The following DENND4B variants were observed in gnomAD, a reference collection of about 807,000 sequenced individuals.
The protein encoded by DENND4B is DENN domain containing 4B.
In DENND4B, 67 loss-of-function variants were observed where a neutral mutation model predicts 161.0. That is an observed-to-expected ratio of 0.42 (90% confidence interval 0.34 to 0.51). The LOEUF (loss-of-function observed/expected upper bound fraction) is 0.51. DENND4B is among the 20% of genes least tolerant of loss of function. The pLI, the probability that DENND4B is intolerant of heterozygous loss-of-function variation, is 0.08. For missense variants in DENND4B, 1,481 were observed against 1,968.0 expected (o/e 0.75, Z 4.68); for synonymous variants, 753 against 813.8 (o/e 0.93, Z 1.27).
At position 153,931,528 on chromosome 1, in the gene DENND4B, C is replaced by T. The variant is rs1036389796; in HGVS notation, c.3997-464G>A. Among the ~76,000 whole-genome samples, 34 of 147,322 alleles carry T rather than the reference C, an allele frequency of 2.3e-4. 1 individual carries two copies. Among genetic ancestry groups the T allele is most frequent in the African/African-American group, 8.1e-4 (32 of 39,706 alleles). ...TTTTTTTTTTTTTGAGACAGAGTCT[C>T]GCTCTGTCGTCCAGGCTGGAGTGCA... On this transcript the variant is annotated intron_variant, in intron 24 of 27. Coordinates refer to ENST00000361217, the MANE Select transcript of DENND4B (RefSeq NM_014856.3).
At chr1:153,938,130 CAGACACA>C (rs1679452251) in intron 13 of DENND4B, among the ~76,000 whole-genome samples, 1 of 152,146 alleles carries the variant, frequency 6.6e-6, no homozygotes, top group Non-Finnish European at 1.5e-5. Context: ...CCCTGGGGGC[CAGACACA>C]GTGGCTCACG....
In DENND4B at chr1:153,930,835, T is replaced by C; in HGVS notation, c.4137A>G (p.Val1379=). 6.2e-7 allele frequency: 1 copy of C among 1,600,632 alleles called. No homozygotes were observed. The highest frequency in any genetic ancestry group is 8.5e-7 in the Non-Finnish European group (1 of 1,173,614). The change falls in exon 26 of 28, where the codon GTA becomes GTG. Residue 1379 remains valine, a synonymous_variant. Transcript: ENST00000361217. This position sits in a 1 kb window ranked among gnomAD's most constrained non-coding sequence, Gnocchi z 4.7. ...RVHSQIPQRV[V]WPGPVPASLS... is the part of the protein sequence containing the mutation. ...GGGATGCAGGTACAGGGCCTGGCCA[T>C]ACCACCCGCTGGGGGATCTGGCCTG...
In DENND4B at chr1:153,934,384, C is replaced by A; in HGVS notation, c.2774-82G>T. On this transcript the variant is annotated intron_variant, in intron 18 of 27. Coordinates refer to ENST00000361217, the MANE Select transcript of DENND4B (RefSeq NM_014856.3). This position sits in a 1 kb window ranked among gnomAD's most constrained non-coding sequence, Gnocchi z 5.3. ...CCAAAATAGAGCTCCTTAGATGGAC[C>A]AGGGTTTGCAGGGTTCCTCCCAGGC... The A allele has an allele frequency of 1.4e-5, 20 of 1,453,598 alleles. No individual in the cohort carries two copies. Among genetic ancestry groups the A allele is most frequent in the Non-Finnish European group, 1.7e-5 (18 of 1,085,468 alleles). 90.0% of individuals were successfully genotyped at this position (1,453,598 alleles called of 1,614,324 possible).
Position 153,932,825 on chromosome 1 carries a change from T to G in DENND4B, c.3623+36A>C. 6.2e-7 allele frequency: 1 copy of G among 1,613,534 alleles called. No homozygotes were observed. Among genetic ancestry groups the G allele is most frequent in the Non-Finnish European group, 8.5e-7 (1 of 1,179,598 alleles). ...GTCAGCTTTTGGACCTTCACCTCCC[T>G]ATTCCCACCCACAGCACTTGCCCTG... On this transcript the variant is annotated intron_variant, in intron 22 of 27. Coordinates refer to ENST00000361217, the MANE Select transcript of DENND4B (RefSeq NM_014856.3). This position sits in a 1 kb window ranked among gnomAD's most constrained non-coding sequence, Gnocchi z 5.8.
In DENND4B at chr1:153,932,606, T is replaced by C. The variant is rs1679024822; in HGVS notation, c.3759+36A>G. The C allele has an allele frequency of 1.3e-6, 2 of 1,595,792 alleles. No homozygotes were observed. Among genetic ancestry groups the C allele is most frequent in the East Asian group, 2.2e-5 (1 of 44,560 alleles). ...CCCACAGGCCCCACACAGGGCAACA[T>C]TCCCGTTCCTCATGCCCCTTTGGCC... On this transcript the variant is annotated intron_variant, in intron 23 of 27. Coordinates refer to ENST00000361217, the MANE Select transcript of DENND4B (RefSeq NM_014856.3). The surrounding 1 kb of genome is among the most constrained non-coding windows in gnomAD (Gnocchi z 5.8).
intron 17 of DENND4B, chr1:153,935,692 G>A: frequency 4.2e-6 from 1 of 236,816 alleles, no homozygotes; most frequent in South Asian, 4.9e-5. Flanking sequence ...GCGGGACCTT[G>A]GACGAGTTAC....
In DENND4B at chr1:153,936,126, C is replaced by T; in HGVS notation, c.2502G>A (p.Arg834=). 1.2e-6 allele frequency: 2 copies of T among 1,611,934 alleles called. No individual in the cohort carries two copies. Among genetic ancestry groups the T allele is most frequent in the Non-Finnish European group, 1.7e-6 (2 of 1,179,130 alleles). Residue 834 remains arginine, a synonymous_variant, in exon 17 of 28, where the codon CGG becomes CGA. Transcript: ENST00000361217. This position sits in a 1 kb window ranked among gnomAD's most constrained non-coding sequence, Gnocchi z 4.1. ...SHYGQPVLSV[R]VMLEMRQAGI... is the part of the protein sequence containing the mutation. The stretch of plus-strand genomic sequence containing the variant: ...CTGCCTGACGCATCTCCAGCATGAC[C>T]CGCACAGACAGCACAGGCTGCCCAT...
chr1:153,941,775 G>GGGGGGGC, intron 6 of DENND4B, 94 bp downstream of exon 6: 35 of 1,338,128 alleles, frequency 2.6e-5, no homozygotes, highest in Non-Finnish European at 2.9e-5. Flanking sequence ...CCTGTGCCCA[G>GGGGGGGC]CCCTCCCCCC....
Position 153,936,861 on chromosome 1 carries a change from T to TGGCGC in DENND4B, c.2233-118_2233-114dup. On this transcript the variant is annotated intron_variant, in intron 15 of 27. Coordinates refer to ENST00000361217, the MANE Select transcript of DENND4B (RefSeq NM_014856.3). This position sits in a 1 kb window ranked among gnomAD's most constrained non-coding sequence, Gnocchi z 4.1. ...CTCTGTCACCCAGGCTGGAGTGCAG[T>TGGCGC]GGCGCAATCTTGGCTCACTGCAGAC... is the stretch of plus-strand genomic sequence containing the variant. The TGGCGC allele has an allele frequency of 9.0e-7, 1 of 1,113,066 alleles. No homozygotes were observed. Among genetic ancestry groups the TGGCGC allele is most frequent in the Non-Finnish European group, 1.2e-6 (1 of 812,464 alleles). 68.9% of individuals were successfully genotyped at this position (1,113,066 alleles called of 1,614,324 possible).
In DENND4B at chr1:153,937,728, A is replaced by G; in HGVS notation, c.2101T>C (p.Tyr701His). ...TGAAGGCTAAGAGACTCTCACCAGT[A>G]CTGGGGAGTGGATTCACTGCCCTCT... ...LPEGSESTPQYCYDGFPELRA... is the reference protein window; with the variant it reads ...LPEGSESTPQHCYDGFPELRA... Residue 701 changes from tyrosine to histidine, a missense_variant, in exon 14 of 28, where the codon TAC becomes CAC. Physicochemically the swap from Tyr to His is moderately conservative, Grantham distance 83. Coordinates refer to ENST00000361217, the MANE Select transcript of DENND4B (RefSeq NM_014856.3). The surrounding 1 kb of genome is among the most constrained non-coding windows in gnomAD (Gnocchi z 4.7). 6.2e-7 allele frequency: 1 copy of G among 1,614,064 alleles called. No homozygotes were observed. The highest frequency in any genetic ancestry group is 1.1e-5 in the South Asian group (1 of 91,090).
In DENND4B at chr1:153,934,834, TGCTGCTGCTGCTGTTGCC is replaced by T. The variant is rs762717874; in HGVS notation, c.2681_2698del (p.Arg894_Gln899del). 1 of 1,606,988 alleles carries T rather than the reference TGCTGCTGCTGCTGTTGCC, an allele frequency of 6.2e-7. No individual in the cohort carries two copies. The highest frequency in any genetic ancestry group is 1.7e-5 in the Admixed American group (1 of 59,908). ...CTGCTGCTGCTGCTGCTGCTGTTGC[TGCTGCTGCTGCTGTTGCC>T]GTTCTCTCAAGGGCTGGCGGAACTG... On this transcript the variant is annotated inframe_deletion, in exon 18 of 28. Coordinates refer to ENST00000361217, the MANE Select transcript of DENND4B (RefSeq NM_014856.3). The surrounding 1 kb of genome is among the most constrained non-coding windows in gnomAD (Gnocchi z 5.3).
At position 153,936,455 on chromosome 1, in the gene DENND4B, C is replaced by T. The variant is rs559744839; in HGVS notation, c.2439+87G>A. On this transcript the variant is annotated intron_variant, in intron 16 of 27. Transcript: ENST00000361217. This position sits in a 1 kb window ranked among gnomAD's most constrained non-coding sequence, Gnocchi z 4.1. ...GGGCTCTGCAACTTCTTTCCTTAGT[C>T]TCCACCAAGTTTCCCTCTCACAGCC... The T allele has an allele frequency of 5.7e-6, 8 of 1,401,466 alleles. No individual in the cohort carries two copies. The highest frequency in any genetic ancestry group is 5.0e-4 in the Middle Eastern group (2 of 3,986). 86.8% of individuals were successfully genotyped at this position (1,401,466 alleles called of 1,614,324 possible).
chr1:153,944,381 C>G lies in DENND4B; in HGVS notation c.-7G>C. ...GGGGCCGCTCCTCCGCCATGGCCCCCCCCTCACTCACTGCATCTGGAATGG... is the reference window on the plus strand; with the variant it reads ...GGGGCCGCTCCTCCGCCATGGCCCCGCCCTCACTCACTGCATCTGGAATGG... On this transcript the variant is annotated 5_prime_UTR_variant, in exon 2 of 28. Transcript: ENST00000361217. This position sits in a 1 kb window ranked among gnomAD's most constrained non-coding sequence, Gnocchi z 4.8. 1 of 1,600,718 alleles carries G rather than the reference C, an allele frequency of 6.2e-7. No individual in the cohort carries two copies. Among genetic ancestry groups the G allele is most frequent in the Middle Eastern group, 1.7e-4 (1 of 6,016 alleles).
intron 13 of DENND4B, among the ~76,000 whole-genome samples, chr1:153,938,071 G>T (rs991719318): frequency 6.6e-6 from 1 of 152,188 alleles, no homozygotes. Context: ...TATAACTCCA[G>T]AAGTGCCATC....
chr1:153,934,135 T>C lies in DENND4B; in HGVS notation c.2941A>G (p.Met981Val), dbSNP rs1434242782. 1.9e-6 allele frequency: 3 copies of C among 1,561,848 alleles called. No individual in the cohort carries two copies. Among genetic ancestry groups the C allele is most frequent in the African/African-American group, 1.4e-5 (1 of 72,104 alleles). Residue 981 changes from methionine (M) to valine (V), a missense_variant and splice_region_variant, in exon 19 of 28, where the codon ATG (methionine) becomes GTG (valine). Around this residue, in one of 3 missense-constraint regions of DENND4B, gnomAD observed 339 missense variants for 330.3 expected, o/e 1.03. Coordinates refer to ENST00000361217, the MANE Select transcript of DENND4B (RefSeq NM_014856.3). This position sits in a 1 kb window ranked among gnomAD's most constrained non-coding sequence, Gnocchi z 5.3. ...GAGGGAGCCAGACAAGGGCACTCAC[T>C]GTGGGCCACACCGGCCTCCACAGTG... ...QPTVEAGVAH[M>V]IEALGVLEPR...
chr1:153,940,776 G>C lies in DENND4B; in HGVS notation c.1326+128C>G, dbSNP rs914715954. 65 of 1,450,626 alleles carry C rather than the reference G, an allele frequency of 4.5e-5. No individual in the cohort carries two copies. Among genetic ancestry groups the C allele is most frequent in the Non-Finnish European group, 5.5e-5 (60 of 1,092,874 alleles). 89.9% of individuals were successfully genotyped at this position (1,450,626 alleles called of 1,614,324 possible). ...CTGATGGAAGCTATGTGTTCCTGCAGGCTGTGCCCAGGGAAAGGGGCTGAG... is the reference window on the plus strand; with the variant it reads ...CTGATGGAAGCTATGTGTTCCTGCACGCTGTGCCCAGGGAAAGGGGCTGAG... On this transcript the variant is annotated intron_variant, in intron 9 of 27. Transcript: ENST00000361217. The surrounding 1 kb of genome is among the most constrained non-coding windows in gnomAD (Gnocchi z 5.6).
chr1:153,939,784 C>T lies in DENND4B; in HGVS notation c.1624G>A (p.Glu542Lys). 2 of 1,613,886 alleles carry T rather than the reference C, an allele frequency of 1.2e-6. No individual in the cohort carries two copies. Among genetic ancestry groups the T allele is most frequent in the East Asian group, 2.2e-5 (1 of 44,858 alleles). Residue 542 changes from glutamate to lysine, a missense_variant, in exon 12 of 28, where the codon GAA (glutamate) becomes AAA (lysine). Physicochemically the swap from Glu to Lys is moderately conservative, Grantham distance 56. Transcript: ENST00000361217. ...GTCAGTAGGAACTCCAGGGATGCTT[C>T]CTCCTCAGGTCCAGTGTATGCTGGA... ...LDQTYTGPEEEASLEFLLTDY... is the reference protein window; with the variant it reads ...LDQTYTGPEEKASLEFLLTDY...
Position 153,944,184 on chromosome 1 carries a change from C to A in DENND4B, c.191G>T (p.Gly64Val). 6.2e-7 allele frequency: 1 copy of A among 1,612,552 alleles called. No individual in the cohort carries two copies. Among genetic ancestry groups the A allele is most frequent in the Non-Finnish European group, 8.5e-7 (1 of 1,179,284 alleles). Residue 64 changes from glycine (G) to valine (V), a missense_variant, in exon 2 of 28, where the codon GGC becomes GTC. This residue lies in a region of DENND4B where 806 missense variants were observed against 1,134.4 expected (regional missense o/e 0.71). Coordinates refer to ENST00000361217, the MANE Select transcript of DENND4B (RefSeq NM_014856.3). This position sits in a 1 kb window ranked among gnomAD's most constrained non-coding sequence, Gnocchi z 4.8. ...ARALGEEVPQ[G>V]YTCIQASAGG... ...AGCAGAAGCCTGGATGCATGTGTAGCCCTGGGGCACTTCCTCGCCCAGTGC... is the reference window on the plus strand; with the variant it reads ...AGCAGAAGCCTGGATGCATGTGTAGACCTGGGGCACTTCCTCGCCCAGTGC...
intron 8 of DENND4B, 86 bp downstream of exon 8, chr1:153,941,145 T>G (rs1679640928): frequency 6.3e-7 from 1 of 1,580,306 alleles, no homozygotes; most frequent in Admixed American, 1.9e-5. Context: ...CCAGCCTGCA[T>G]AAACCTCAAC....
Sources: gnomAD v4.1 joint callset for allele counts (sites outside exome capture counted in the v4.1 genomes callset) on GRCh38, gnomAD v4.1.1 for gene constraint, gnomAD v4.1.1 regional missense constraint, Gnocchi (gnomAD v3.1) non-coding constraint, MANE v1.5 for transcripts, NCBI Gene and HGNC (gene_info 2026-07-23, HGNC 2026-07-21) for gene names.